Variants in FABP6 observed in about 807,000 individuals in gnomAD.
FABP6 encodes gastrotropin.
FABP6 carries 13 observed loss-of-function variants against 14.9 expected under a neutral mutation model. The ratio of observed to expected loss-of-function variants is 0.87; its 90% confidence interval spans 0.57 to 1.39. The LOEUF is 1.39. Ranked by LOEUF, FABP6 falls within the 40% of genes most tolerant of loss-of-function variation. FABP6 has a pLI of 0.00. For missense variants in FABP6, 161 were observed against 167.2 expected, an observed-to-expected ratio of 0.96 and a Z score of 0.20; for synonymous variants, 75 against 63.6, an observed-to-expected ratio of 1.18 and a Z score of -0.85.
chr5:160,200,289 G>A (rs947938394), intron 2 of FABP6, among the ~76,000 whole-genome samples: 10 of 150,596 alleles, frequency 6.6e-5, no homozygotes, highest in Non-Finnish European at 1.2e-4. Flanking sequence ...GAGCAGAGGT[G>A]GCAGACCTAG....
At chr5:160,199,550 C>G (rs1759587397) in intron 2 of FABP6, among the ~76,000 whole-genome samples, 1 of 152,170 alleles carries the variant, frequency 6.6e-6, no homozygotes, top group South Asian at 2.1e-4. Flanking sequence ...CCCGGCTCCC[C>G]GTCGGCCTGG....
At chr5:160,190,706 A>G (rs1759376983) in intron 1 of FABP6, among the ~76,000 whole-genome samples, 1 of 152,150 alleles carries the variant, frequency 6.6e-6, no homozygotes, top group Non-Finnish European at 1.5e-5. Context: ...CCCTTAACCT[A>G]TGTCCATTAT....
chr5:160,193,965 G>A (rs1028234233), intron 1 of FABP6, among the ~76,000 whole-genome samples: 6 of 152,234 alleles, frequency 3.9e-5, no homozygotes, highest in South Asian at 2.1e-4. Flanking sequence ...CGTCGGGGAG[G>A]CTCGGGCTGC....
chr5:160,212,237 C>A (rs1759908751), intron 2 of FABP6, among the ~76,000 whole-genome samples: 1 of 152,126 alleles, frequency 6.6e-6, no homozygotes, highest in South Asian at 2.1e-4. Flanking sequence ...TCACTGCAAC[C>A]TCTGGCTCCT....
chr5:160,213,766 TGG>T lies in FABP6; in HGVS notation c.84_85del (p.Trp28CysfsTer15). On this transcript the variant is annotated frameshift_variant, in exon 3 of 7. Transcript: ENST00000393980. LOFTEE classifies it high-confidence loss of function. ...GAGAGCTGTGTTGTCTGCGTGCACA[TGG>T]GTGAGCCGGAAAGGAGACCTGCAGA... is the stretch of plus-strand genomic sequence containing the variant. 3 of 1,613,794 alleles carry T rather than the reference TGG, an allele frequency of 1.9e-6. No individual in the cohort carries two copies. Among genetic ancestry groups the T allele is most frequent in the Non-Finnish European group, 2.5e-6 (3 of 1,179,854 alleles).
upstream of FABP6, among the ~76,000 whole-genome samples, chr5:160,227,818 A>ATATGTGTGTGTG (rs776387001): frequency 7.6e-6 from 1 of 130,780 alleles, no homozygotes; most frequent in African/African-American, 2.9e-5. Flanking sequence ...AAAATCCATG[A>ATATGTGTGTGTG]CGTGTGTGTG....
upstream of FABP6, among the ~76,000 whole-genome samples, chr5:160,226,072 G>T (rs1178492417): frequency 2.0e-5 from 3 of 152,020 alleles, no homozygotes; most frequent in African/African-American, 4.8e-5. Flanking sequence ...TACTTGGGAG[G>T]CTGAGGCAGG....
intron 3 of FABP6, among the ~76,000 whole-genome samples, chr5:160,217,767 G>T (rs1456322893): frequency 1.3e-5 from 2 of 152,096 alleles, no homozygotes; most frequent in Non-Finnish European, 2.9e-5. Context: ...CTCCTGACTA[G>T]CTGGGACTAC....
intron 3 of FABP6, among the ~76,000 whole-genome samples, chr5:160,222,190 G>A (rs951850318): frequency 1.3e-5 from 2 of 150,586 alleles, no homozygotes; most frequent in African/African-American, 4.9e-5. Flanking sequence ...TCTCCCAGGT[G>A]TAAGTGATCC....
chr5:160,188,293 A>G (rs1337843525), intron 1 of FABP6, among the ~76,000 whole-genome samples: 1 of 152,134 alleles, frequency 6.6e-6, no homozygotes, highest in African/African-American at 2.4e-5. Context: ...CACGCGATCA[A>G]ATGCTGCTTC....
chr5:160,236,905 C>T (rs1040085537), intron 3 of FABP6, among the ~76,000 whole-genome samples: 2 of 151,680 alleles, frequency 1.3e-5, no homozygotes, highest in East Asian at 3.8e-4. Flanking sequence ...TCGCTTCAAT[C>T]CAGGAGGCAG....
intron 1 of FABP6, chr5:160,199,040 T>A: frequency 6.4e-7 from 1 of 1,565,440 alleles, no homozygotes; most frequent in Non-Finnish European, 8.8e-7. Context: ...GCTTTTTGTG[T>A]CATTGCAGAC....
intron 1 of FABP6, among the ~76,000 whole-genome samples, chr5:160,192,333 G>GTCT (rs3044542): frequency 0.91 from 138,604 of 152,108 alleles, 63,285 homozygotes; most frequent in African/African-American, 0.94. Flanking sequence ...GGCCTCGCCA[G>GTCT]TCTTATCCCT....
Position 160,229,523 on chromosome 5 carries a change from T to A in FABP6, c.-35T>A. On this transcript the variant is annotated 5_prime_UTR_variant, in exon 1 of 4. Transcript: ENST00000402432. ...CCCTCAGCACCACCCATTCTCCTCA[T>A]CCCTCTGCTCTCTGGCCTCCAGCCT... The A allele has an allele frequency of 1.2e-6, 2 of 1,613,722 alleles. No homozygotes were observed. Among genetic ancestry groups the A allele is most frequent in the South Asian group, 1.1e-5 (1 of 91,040 alleles).
intron 2 of FABP6, among the ~76,000 whole-genome samples, chr5:160,234,427 ATT>A (rs34564042): frequency 2.0e-4 from 13 of 65,876 alleles, no homozygotes; most frequent in Non-Finnish European, 2.1e-4. Flanking sequence ...TGGTAAATTC[ATT>A]TTTTTTTTTT....
At chr5:160,206,158 G>A (rs1320971660) in intron 2 of FABP6, among the ~76,000 whole-genome samples, 1 of 152,172 alleles carries the variant, frequency 6.6e-6, no homozygotes, top group African/African-American at 2.4e-5. Context: ...AGCAGGCTGG[G>A]CGTGGTGGCT....
At chr5:160,199,503 C>G (rs1009520114) in intron 2 of FABP6, among the ~76,000 whole-genome samples, 2 of 152,100 alleles carry the variant, frequency 1.3e-5, no homozygotes, top group South Asian at 4.1e-4. Context: ...CGTGCCGTGC[C>G]AAGCCGGCCA....
At chr5:160,237,532 G>T (rs1383820028) in intron 3 of FABP6, among the ~76,000 whole-genome samples, 1 of 151,964 alleles carries the variant, frequency 6.6e-6, no homozygotes, top group Non-Finnish European at 1.5e-5. Context: ...CATTTTGTAA[G>T]CATCCCTCCT....
chr5:160,225,990 A>G (rs1013730346), upstream of FABP6, among the ~76,000 whole-genome samples: 1 of 151,856 alleles, frequency 6.6e-6, no homozygotes, highest in African/African-American at 2.4e-5. Context: ...CCTGGCCAAC[A>G]TGGCAAACTC....
Sources: gnomAD v4.1 joint callset for allele counts (sites outside exome capture counted in the v4.1 genomes callset) on GRCh38, gnomAD v4.1.1 for gene constraint, MANE v1.5 for transcripts, NCBI Gene and HGNC (gene_info 2026-07-23, HGNC 2026-07-21) for gene names.